XKR4: variants seen among roughly 807,000 people sequenced by gnomAD.
XKR4 encodes the protein XK related 4.
XKR4 carries 12 observed loss-of-function variants against 53.9 expected under a neutral mutation model. The ratio of observed to expected loss-of-function variants is 0.22; its 90% CI spans 0.14 to 0.36. The LOEUF (loss-of-function observed/expected upper bound fraction) is 0.36. Ranked by LOEUF, XKR4 falls within the 10% of genes least tolerant of loss-of-function variation. The probability of loss-of-function intolerance (pLI) is 1.00; values close to 1 mark genes in which losing one functional copy is unlikely to be tolerated. For missense variants in XKR4, 799 were observed against 859.5 expected (o/e 0.93, Z 0.88); for synonymous variants, 354 against 362.4 (o/e 0.98, Z 0.26).
chr8:55,131,188 T>G (rs200321234), intron 1 of XKR4, among the ~76,000 whole-genome samples: 2 of 66,388 alleles, frequency 3.0e-5, no homozygotes, highest in South Asian at 1.5e-3. Context: ...CAACAACAAA[T>G]GCAGACTCTT....
intron 2 of XKR4, among the ~76,000 whole-genome samples, chr8:55,416,227 A>G (rs184481301): frequency 6.6e-6 from 1 of 152,228 alleles, no homozygotes; most frequent in African/African-American, 2.4e-5. Context: ...ATAAAGCTAC[A>G]GAGTATGGAA....
intron 1 of XKR4, among the ~76,000 whole-genome samples, chr8:55,280,171 T>C (rs1818821308): frequency 6.6e-6 from 1 of 152,164 alleles, no homozygotes; most frequent in African/African-American, 2.4e-5. Flanking sequence ...CGTTCCAATA[T>C]CCCTGACCAA....
In XKR4 at chr8:55,380,735, T is replaced by C. The variant is rs149628235; in HGVS notation, c.1006+22858T>C. On this transcript the variant is annotated intron_variant, in intron 2 of 2. Transcript: ENST00000327381. ...GTGCCTCTTATCAACTCACCCTGTG[T>C]GTTTCTAGGACAGGAACCTGCTACT... is the stretch of plus-strand genomic sequence containing the variant. Among the ~76,000 whole-genome samples, 63 of 152,376 alleles carry C rather than the reference T, an allele frequency of 4.1e-4. 1 individual carries two copies. The highest frequency in any genetic ancestry group is 1.4e-3 in the African/African-American group (60 of 41,594).
In XKR4 at chr8:55,409,387, T is replaced by G. The variant is rs535804917; in HGVS notation, c.1006+51510T>G. Among the ~76,000 whole-genome samples the G allele has an allele frequency of 2.2e-4, 33 of 152,348 alleles. 1 individual carries two copies. The South Asian group carries it at 6.8e-3, about 32-fold the overall frequency. ...GCTTTTATAAGGACATCCAGACATT[T>G]CTGACCCCAGGACTTTGGGTAAATT... is the stretch of plus-strand genomic sequence containing the variant. On this transcript the variant is annotated intron_variant, in intron 2 of 2. Transcript: ENST00000327381.
chr8:55,400,361 A>C (rs1382333268), intron 2 of XKR4, among the ~76,000 whole-genome samples: 6 of 152,210 alleles, frequency 3.9e-5, no homozygotes, highest in African/African-American at 9.6e-5. Context: ...TGTCTAGTTC[A>C]GATCTACATA....
intron 1 of XKR4, among the ~76,000 whole-genome samples, chr8:55,283,019 T>G (rs1282386029): frequency 6.6e-6 from 1 of 152,184 alleles, no homozygotes; most frequent in Non-Finnish European, 1.5e-5. Flanking sequence ...GTGTTACAAT[T>G]CCCTAAAGTA....
intron 1 of XKR4, among the ~76,000 whole-genome samples, chr8:55,180,166 G>A (rs1288201713): frequency 2.6e-5 from 4 of 152,122 alleles, no homozygotes; most frequent in African/African-American, 4.8e-5. Context: ...TTCATGAGTC[G>A]GAGGTAGTTT....
intron 1 of XKR4, among the ~76,000 whole-genome samples, chr8:55,245,926 C>A (rs536564201): frequency 1.1e-4 from 16 of 152,132 alleles, no homozygotes; most frequent in Non-Finnish European, 2.2e-4. Flanking sequence ...AAAACCCTGT[C>A]TCTACTAAAT....
At chr8:55,224,686 G>A (rs1389683428) in intron 1 of XKR4, among the ~76,000 whole-genome samples, 2 of 152,172 alleles carry the variant, frequency 1.3e-5, no homozygotes, top group Non-Finnish European at 2.9e-5. Flanking sequence ...TTTCTCAAGT[G>A]TGTTGAGGGT....
intron 2 of XKR4, among the ~76,000 whole-genome samples, chr8:55,448,116 C>G (rs1457679475): frequency 6.6e-6 from 1 of 152,184 alleles, no homozygotes; most frequent in African/African-American, 2.4e-5. Context: ...TTTGCAGTTT[C>G]TTTCTTTCTT....
intron 2 of XKR4, among the ~76,000 whole-genome samples, chr8:55,407,471 T>G (rs1804701594): frequency 6.6e-6 from 1 of 152,248 alleles, no homozygotes; most frequent in African/African-American, 2.4e-5. Context: ...CTGTCCACGC[T>G]GCCTCCGCCG....
chr8:55,376,726 C>A (rs1474001561), intron 2 of XKR4, among the ~76,000 whole-genome samples: 1 of 152,078 alleles, frequency 6.6e-6, no homozygotes, highest in African/African-American at 2.4e-5. Context: ...GGAGATATTT[C>A]CTACAGTTCT....
At chr8:55,275,350 A>T (rs1818749617) in intron 1 of XKR4, among the ~76,000 whole-genome samples, 2 of 152,258 alleles carry the variant, frequency 1.3e-5, no homozygotes, top group South Asian at 4.1e-4. Context: ...TAGCTAATAT[A>T]GTTGAAACAA....
At chr8:55,292,935 G>A (rs779058051) in intron 1 of XKR4, among the ~76,000 whole-genome samples, 1 of 152,112 alleles carries the variant, frequency 6.6e-6, no homozygotes, top group African/African-American at 2.4e-5. Flanking sequence ...CATGTGTTTG[G>A]AGGTTTCCCT....
intron 1 of XKR4, among the ~76,000 whole-genome samples, chr8:55,191,981 A>C (rs1487083204): frequency 6.6e-6 from 1 of 151,466 alleles, no homozygotes. Flanking sequence ...CAGATGTATA[A>C]TTTATTAACT....
At chr8:55,393,735 A>C (rs923253292) in intron 2 of XKR4, among the ~76,000 whole-genome samples, 2 of 152,232 alleles carry the variant, frequency 1.3e-5, no homozygotes, top group Admixed American at 6.5e-5. Context: ...TCAGCTGAAA[A>C]TCCTAAACAT....
In XKR4 at chr8:55,526,098, T is replaced by C. The variant is rs1806878222; in HGVS notation, c.*1871T>C. 6.6e-6 allele frequency: 1 copy of C among 152,656 alleles called. No homozygotes were observed. The highest frequency in any genetic ancestry group is 1.9e-4 in the East Asian group (1 of 5,200). 9.5% of individuals were successfully genotyped at this position (152,656 alleles called of 1,614,324 possible). A position where few individuals can be genotyped will look rare whatever the true frequency, so the allele number is the denominator to read the frequency against. ...CAGTGGAAGCTGTCTTAAACTTCCT[T>C]CCCTGGTTTTATATTAACCCAACTG... On this transcript the variant is annotated 3_prime_UTR_variant, in exon 3 of 3. Coordinates refer to ENST00000327381, the MANE Select transcript of XKR4 (RefSeq NM_052898.2).
At chr8:55,391,435 A>G (rs990852011) in intron 2 of XKR4, among the ~76,000 whole-genome samples, 1 of 152,264 alleles carries the variant, frequency 6.6e-6, no homozygotes, top group African/African-American at 2.4e-5. Flanking sequence ...TTTAAAAAGA[A>G]AAGAAAAAGA....
At chr8:55,494,012 G>T (rs1050900112) in intron 2 of XKR4, among the ~76,000 whole-genome samples, 1 of 152,214 alleles carries the variant, frequency 6.6e-6, no homozygotes, top group East Asian at 1.9e-4. Context: ...GTCCCACTGG[G>T]CTCATTCTGC....
Sources: gnomAD v4.1 joint callset for allele counts (sites outside exome capture counted in the v4.1 genomes callset) on GRCh38, gnomAD v4.1.1 for gene constraint, MANE v1.5 for transcripts, NCBI Gene and HGNC (gene_info 2026-07-23, HGNC 2026-07-21) for gene names.